The following KAT2B variants were observed in gnomAD, a reference collection of about 807,000 sequenced individuals.
The protein encoded by KAT2B is histone acetyltransferase KAT2B.
KAT2B carries 36 observed loss-of-function variants against 105.9 expected under a neutral mutation model. The ratio of observed to expected loss-of-function variants is 0.34; its 90% confidence interval spans 0.26 to 0.45. KAT2B has a LOEUF of 0.45. Ranked by LOEUF, KAT2B falls within the 20% of genes least tolerant of loss-of-function variation. The pLI is 1.00. For missense variants in KAT2B, 820 were observed against 1,021.6 expected, an observed-to-expected ratio of 0.80 and a Z score of 2.69; for synonymous variants, 397 against 377.9, an observed-to-expected ratio of 1.05 and a Z score of -0.59.
chr3:20,122,692 C>G lies in KAT2B; in HGVS notation c.1301C>G (p.Ser434Cys), dbSNP rs146721823. The change falls in exon 9 of 18, where the codon TCT becomes TGT. Residue 434 changes from serine (S) to cysteine (C), a missense_variant. By Grantham distance (112) the Ser-to-Cys change is moderately radical. This residue lies in a region of KAT2B where 225 missense variants were observed against 268.1 expected (regional missense o/e 0.84). Coordinates refer to ENST00000263754, the MANE Select transcript of KAT2B (RefSeq NM_003884.5). ...NPGEKRKMTD[S>C]HVLEEAKKPR... ...GGAGAAAAGAGGAAAATGACTGATT[C>G]TCATGTTCTGGAGGAGGCCAAGAAA... The G allele has an allele frequency of 1.0e-4, 163 of 1,613,754 alleles. No homozygotes were observed. The African/African-American group carries it at 1.9e-3, about 19-fold the overall frequency.
At chr3:20,074,608 T>G (rs1698385743) in intron 2 of KAT2B, among the ~76,000 whole-genome samples, 1 of 152,208 alleles carries the variant, frequency 6.6e-6, no homozygotes, top group Non-Finnish European at 1.5e-5. Flanking sequence ...AGATATATAC[T>G]CTGTCTAGCT....
chr3:20,044,557 G>T (rs1697774055), intron 1 of KAT2B, among the ~76,000 whole-genome samples: 1 of 151,996 alleles, frequency 6.6e-6, no homozygotes, highest in Non-Finnish European at 1.5e-5. Context: ...CCTTATCGAG[G>T]GTTCAGGCAC....
chr3:20,126,230 G>A, intron 10 of KAT2B, 117 bp downstream of exon 10: 1 of 807,254 alleles, frequency 1.2e-6, no homozygotes, highest in South Asian at 1.7e-5. Flanking sequence ...CTGTCTTGCT[G>A]TGGATACAGA....
At chr3:20,051,017 A>G (rs770056827) in intron 1 of KAT2B, among the ~76,000 whole-genome samples, 37 of 152,136 alleles carry the variant, frequency 2.4e-4, no homozygotes, top group Non-Finnish European at 4.6e-4. Context: ...CCTGGCCAAC[A>G]TGACAAAACC....
intron 2 of KAT2B, among the ~76,000 whole-genome samples, chr3:20,092,419 G>A (rs1465900958): frequency 6.6e-6 from 1 of 151,526 alleles, no homozygotes; most frequent in Admixed American, 6.6e-5. Context: ...CAGTAGAGAC[G>A]AGGTTTCACC....
chr3:20,071,189 C>A (rs1698315782), intron 1 of KAT2B, among the ~76,000 whole-genome samples: 1 of 152,100 alleles, frequency 6.6e-6, no homozygotes, highest in Admixed American at 6.5e-5. Flanking sequence ...TCTTCTAAAT[C>A]TGTATATTTT....
chr3:20,109,062 A>G (rs942518783), intron 5 of KAT2B, among the ~76,000 whole-genome samples: 6 of 152,162 alleles, frequency 3.9e-5, no homozygotes, highest in Admixed American at 2.6e-4. Flanking sequence ...TTGTGTAGGT[A>G]CACTCTCCAG....
chr3:20,052,703 C>T (rs753865068), intron 1 of KAT2B, among the ~76,000 whole-genome samples: 54 of 151,558 alleles, frequency 3.6e-4, no homozygotes, highest in Non-Finnish European at 7.4e-4. Context: ...CACGGTGGCT[C>T]ATGCCTGTAA....
chr3:20,070,369 A>G (rs1698300347), intron 1 of KAT2B, among the ~76,000 whole-genome samples: 1 of 148,594 alleles, frequency 6.7e-6, no homozygotes, highest in South Asian at 2.1e-4. Context: ...CAGTTGTGCA[A>G]TCTCGGCTCA....
chr3:20,143,571 A>C (rs1699730095), intron 13 of KAT2B, among the ~76,000 whole-genome samples: 1 of 152,214 alleles, frequency 6.6e-6, no homozygotes, highest in East Asian at 1.9e-4. Flanking sequence ...TTACAAAAAG[A>C]TACATGTGCT....
At position 20,095,347 on chromosome 3, in the gene KAT2B, T is replaced by G. The variant is rs1698790461; in HGVS notation, c.515T>G (p.Phe172Cys). Residue 172 changes from phenylalanine to cysteine, a missense_variant, in exon 3 of 18, where the codon TTT (phenylalanine) becomes TGT (cysteine). Around this residue, in one of 6 missense-constraint regions of KAT2B, gnomAD observed 173 missense variants for 249.5 expected, o/e 0.69. Transcript: ENST00000263754. Reference protein sequence around the residue: ...LGIVLDVEYLFTCVHKEEDAD... With the variant: ...LGIVLDVEYLCTCVHKEEDAD... ...ATAGTATTGGATGTGGAATATCTCT[T>G]TACCTGTGTCCACAAGGAAGAAGAT... 1 of 1,601,698 alleles carries G rather than the reference T, an allele frequency of 6.2e-7. No individual in the cohort carries two copies. The highest frequency in any genetic ancestry group is 8.6e-7 in the Non-Finnish European group (1 of 1,168,964).
chr3:20,073,131 T>C (rs915639052), intron 2 of KAT2B, among the ~76,000 whole-genome samples: 7 of 152,164 alleles, frequency 4.6e-5, no homozygotes, highest in Non-Finnish European at 8.8e-5. Flanking sequence ...AAAAAAATCA[T>C]GTGTTGTTTG....
At chr3:20,043,311 T>A (rs1203207700) in intron 1 of KAT2B, among the ~76,000 whole-genome samples, 3 of 152,194 alleles carry the variant, frequency 2.0e-5, no homozygotes, top group African/African-American at 7.2e-5. Context: ...ACAGAATTTG[T>A]CCTTCAGGAG....
intron 11 of KAT2B, among the ~76,000 whole-genome samples, chr3:20,128,244 A>G (rs999613850): frequency 1.3e-5 from 2 of 152,220 alleles, no homozygotes; most frequent in Non-Finnish European, 2.9e-5. Context: ...ACACGCAAAC[A>G]TGTAATCACA....
At chr3:20,134,629 G>A (rs1435804238) in intron 11 of KAT2B, among the ~76,000 whole-genome samples, 2 of 152,028 alleles carry the variant, frequency 1.3e-5, no homozygotes, top group African/African-American at 2.4e-5. Context: ...GGATGGTCTC[G>A]ATCTCCTGAC....
At chr3:20,041,504 G>T (rs1297009570) in intron 1 of KAT2B, among the ~76,000 whole-genome samples, 1 of 152,202 alleles carries the variant, frequency 6.6e-6, no homozygotes, top group African/African-American at 2.4e-5. Context: ...CTCAGTTTGA[G>T]GACACCCATT....
intron 2 of KAT2B, among the ~76,000 whole-genome samples, chr3:20,075,806 G>A (rs575599490): frequency 4.6e-5 from 7 of 151,956 alleles, no homozygotes; most frequent in African/African-American, 1.4e-4. Flanking sequence ...CCAGCTACTT[G>A]GGAGACTGAG....
intron 2 of KAT2B, 88 bp downstream of exon 2, chr3:20,072,547 T>C (rs1698344045): frequency 7.8e-6 from 10 of 1,278,562 alleles, no homozygotes; most frequent in Non-Finnish European, 1.1e-5. Flanking sequence ...TTCACCAAAT[T>C]TGAATGCTGT....
At chr3:20,129,880 T>G (rs1699478745) in intron 11 of KAT2B, among the ~76,000 whole-genome samples, 1 of 152,198 alleles carries the variant, frequency 6.6e-6, no homozygotes, top group Non-Finnish European at 1.5e-5. Flanking sequence ...CTGAAAGGAA[T>G]CATTCTCTGC....
Sources: gnomAD v4.1 joint callset for allele counts (sites outside exome capture counted in the v4.1 genomes callset) on GRCh38, gnomAD v4.1.1 for gene constraint, gnomAD v4.1.1 regional missense constraint, MANE v1.5 for transcripts, NCBI Gene and HGNC (gene_info 2026-07-23, HGNC 2026-07-21) for gene names.